GPR180: variants seen among roughly 807,000 people sequenced by gnomAD.
GPR180 encodes the protein integral membrane protein GPR180.
In GPR180, 53 loss-of-function variants were observed where a neutral mutation model predicts 52.6. The ratio of observed to expected loss-of-function variants is 1.01; its 90% CI spans 0.81 to 1.27. The LOEUF is 1.27. Among genes scored for constraint, GPR180 ranks in the 50% most tolerant of loss-of-function variants. The pLI, the probability that GPR180 is intolerant of heterozygous loss-of-function variation, is 0.00. For synonymous variants in GPR180, 200 were observed against 193.1 expected (o/e 1.04, Z -0.30); for missense variants, 533 against 527.0 (o/e 1.01, Z -0.11).
chr13:94,624,670 G>T (rs1009853305), intron 7 of GPR180, among the ~76,000 whole-genome samples: 1 of 152,076 alleles, frequency 6.6e-6, no homozygotes, highest in Admixed American at 6.6e-5. Context: ...CCATTCTCCT[G>T]CCTCAGCCTC....
chr13:94,610,328 A>AT (rs1439976461), intron 2 of GPR180, among the ~76,000 whole-genome samples: 3 of 152,220 alleles, frequency 2.0e-5, no homozygotes, highest in African/African-American at 7.2e-5. Context: ...TGAGAAAAAG[A>AT]TTAAGACTAA....
In GPR180 at chr13:94,628,822, G is replaced by T. The variant is rs1424055517; in HGVS notation, c.*1651G>T. 6.6e-6 allele frequency: 1 copy of T among 151,982 alleles called. No homozygotes were observed. The highest frequency in any genetic ancestry group is 6.6e-5 in the Admixed American group (1 of 15,260). The allele number at this position is 151,982 out of a possible 1,614,324, so 9.4% of individuals were successfully genotyped here. The stretch of plus-strand genomic sequence containing the variant: ...TGTCTCGCTAATAACCCCAGCTATT[G>T]TCTGTTGTGTTCAGCTGAGATGCAA... On this transcript the variant is annotated 3_prime_UTR_variant, in exon 9 of 9. Transcript: ENST00000376958.
At chr13:94,613,425 T>C (rs1889738218) in intron 3 of GPR180, among the ~76,000 whole-genome samples, 1 of 152,192 alleles carries the variant, frequency 6.6e-6, no homozygotes, top group African/African-American at 2.4e-5. Flanking sequence ...AAAACATATA[T>C]CTAGTGATAG....
In GPR180 at chr13:94,605,501, A is replaced by AGTC. The variant is rs1364730730; in HGVS notation, c.257_259dup (p.Ser86_His87insArg). 3 of 1,614,174 alleles carry AGTC rather than the reference A, an allele frequency of 1.9e-6. No individual in the cohort carries two copies. Among genetic ancestry groups the AGTC allele is most frequent in the Non-Finnish European group, 2.5e-6 (3 of 1,179,988 alleles). ...GGAATGGCTAAAGCTACAGCAAAGCAGTCATGGTTATAGCTGTAGTGAAAA... is the reference window on the plus strand; with the variant it reads ...GGAATGGCTAAAGCTACAGCAAAGCAGTCGTCATGGTTATAGCTGTAGTGAAAA... On this transcript the variant is annotated inframe_insertion, in exon 2 of 9. Transcript: ENST00000376958.
Position 94,621,251 on chromosome 13 carries a change from C to A in GPR180, c.894+16C>A. 6.4e-7 allele frequency: 1 copy of A among 1,551,520 alleles called. No individual in the cohort carries two copies. The highest frequency in any genetic ancestry group is 1.3e-5 in the South Asian group (1 of 79,784). On this transcript the variant is annotated intron_variant, in intron 6 of 8. Transcript: ENST00000376958. ...CATGACACAGGTGGGTATTGATACT[C>A]AGTGTTTCTGCTTAGTAATCCTCAG...
In GPR180 at chr13:94,602,089, G is replaced by A. The variant is rs769148253; in HGVS notation, c.145+17G>A. 2.3e-6 allele frequency: 3 copies of A among 1,327,734 alleles called. No homozygotes were observed. Among genetic ancestry groups the A allele is most frequent in the African/African-American group, 3.0e-5 (2 of 66,330 alleles). The allele number at this position is 1,327,734 out of a possible 1,614,324, so 82.2% of individuals were successfully genotyped here. A position where few individuals can be genotyped will look rare whatever the true frequency, so the allele number is the denominator to read the frequency against. On this transcript the variant is annotated intron_variant, in intron 1 of 8. Coordinates refer to ENST00000376958, the MANE Select transcript of GPR180 (RefSeq NM_180989.6). ...AGTTCCATGGTAGGTCTGGGGGCGG[G>A]GAGGGGGATGAAGGCGCGCTGGCCC...
chr13:94,619,088 G>A, intron 3 of GPR180, 62 bp from the exon 4 acceptor site: 1 of 1,270,806 alleles, frequency 7.9e-7, no homozygotes, highest in Non-Finnish European at 1.1e-6. Flanking sequence ...AGATTTGAAA[G>A]CAGCCCAATA....
At chr13:94,620,106 A>G (rs1276973675) in intron 5 of GPR180, among the ~76,000 whole-genome samples, 1 of 152,202 alleles carries the variant, frequency 6.6e-6, no homozygotes, top group African/African-American at 2.4e-5. Context: ...TATTTTGCAG[A>G]TAAAGGATCT....
rs1253561152 is a variant in GPR180, at chr13:94,629,440, C to A, written c.*2269C>A. On this transcript the variant is annotated 3_prime_UTR_variant, in exon 9 of 9. Coordinates refer to ENST00000376958, the MANE Select transcript of GPR180 (RefSeq NM_180989.6). ...ATGTGTATAATAAGATGGGTGCCTA[C>A]TGTGATGCATTTTACCAGGCATTTT... 1 of 152,098 alleles carries A rather than the reference C, an allele frequency of 6.6e-6. No individual in the cohort carries two copies. The highest frequency in any genetic ancestry group is 2.4e-5 in the African/African-American group (1 of 41,418). The allele number at this position is 152,098 out of a possible 1,614,324, so 9.4% of individuals were successfully genotyped here.
intron 3 of GPR180, among the ~76,000 whole-genome samples, chr13:94,616,353 C>T (rs1051449960): frequency 4.6e-5 from 7 of 152,160 alleles, no homozygotes; most frequent in African/African-American, 7.2e-5. Flanking sequence ...TCTTGAGACA[C>T]GTGAGTGTGG....
chr13:94,612,539 A>G (rs771632326), intron 3 of GPR180, 149 bp downstream of exon 3: 42 of 615,002 alleles, frequency 6.8e-5, no homozygotes, highest in Non-Finnish European at 1.1e-4. Flanking sequence ...TAGCATTTTG[A>G]TAGCCATCAT....
rs1889943193 is a variant in GPR180 at position 94,627,485 on chromosome 13, C to T, written c.*314C>T. 1 of 292,604 alleles carries T rather than the reference C, an allele frequency of 3.4e-6. No homozygotes were observed. Among genetic ancestry groups the T allele is most frequent in the African/African-American group, 2.3e-5 (1 of 44,326 alleles). The allele number at this position is 292,604 out of a possible 1,614,324, so 18.1% of individuals were successfully genotyped here. On this transcript the variant is annotated 3_prime_UTR_variant, in exon 9 of 9. Transcript: ENST00000376958. ...AAAATATTCACCACTTATAATGCCT[C>T]ATCTTAATAGCTAACTCAGGTTTAA...
At chr13:94,605,727 T>C (rs2139563447) in intron 2 of GPR180, among the ~76,000 whole-genome samples, 178 bp downstream of exon 2, 1 of 151,550 alleles carries the variant, frequency 6.6e-6, no homozygotes, top group African/African-American at 2.4e-5. Context: ...TTATCATTCA[T>C]CGTTTTTGAA....
At chr13:94,612,115 A>C (rs570427310) in intron 2 of GPR180, 75 bp from the exon 3 acceptor site, 1 of 1,167,260 alleles carries the variant, frequency 8.6e-7, no homozygotes, top group Non-Finnish European at 1.3e-6. Flanking sequence ...CCTAACCTCA[A>C]ATTGATTATA....
intron 1 of GPR180, among the ~76,000 whole-genome samples, chr13:94,602,988 G>T (rs2099715091): frequency 6.6e-6 from 1 of 151,894 alleles, no homozygotes; most frequent in Non-Finnish European, 1.5e-5. Context: ...ATATTGTTAG[G>T]AGAAGATAAT....
chr13:94,624,317 G>C (rs1232774343), intron 7 of GPR180, among the ~76,000 whole-genome samples: 1 of 152,106 alleles, frequency 6.6e-6, no homozygotes, highest in Non-Finnish European at 1.5e-5. Context: ...ACCTTGTCCA[G>C]AGTTATTGGC....
Position 94,612,277 on chromosome 13 carries a change from C to T in GPR180, c.392C>T (p.Thr131Ile), listed in dbSNP as rs1225435524. 1 of 1,613,774 alleles carries T rather than the reference C, an allele frequency of 6.2e-7. No homozygotes were observed. Among genetic ancestry groups the T allele is most frequent in the South Asian group, 1.1e-5 (1 of 91,082 alleles). Residue 131 changes from threonine to isoleucine, a missense_variant, in exon 3 of 9, where the codon ACA (threonine) becomes ATA (isoleucine). Coordinates refer to ENST00000376958, the MANE Select transcript of GPR180 (RefSeq NM_180989.6). ...TWHVFYADKY[T>I]CQDDKENSQV... ...CATGTGTTTTATGCAGACAAGTATACATGCCAAGATGACAAGGAGAATTCT... is the reference window on the plus strand; with the variant it reads ...CATGTGTTTTATGCAGACAAGTATATATGCCAAGATGACAAGGAGAATTCT...
Position 94,632,103 on chromosome 13 carries a change from T to G in GPR180, c.*4932T>G, listed in dbSNP as rs557044185. 4 of 152,332 alleles carry G rather than the reference T, an allele frequency of 2.6e-5. No individual in the cohort carries two copies. The highest frequency in any genetic ancestry group is 4.4e-5 in the Non-Finnish European group (3 of 68,030). 9.4% of individuals were successfully genotyped at this position (152,332 alleles called of 1,614,324 possible). On this transcript the variant is annotated 3_prime_UTR_variant, in exon 9 of 9. Coordinates refer to ENST00000376958, the MANE Select transcript of GPR180 (RefSeq NM_180989.6). ...CTGTGTTGTGTATCTCAGTAGACTCTTAAGAGATTTGTTGTTCAATGTATT... is the reference window on the plus strand; with the variant it reads ...CTGTGTTGTGTATCTCAGTAGACTCGTAAGAGATTTGTTGTTCAATGTATT...
chr13:94,605,903 A>G (rs576997500), intron 2 of GPR180, among the ~76,000 whole-genome samples: 6 of 152,354 alleles, frequency 3.9e-5, no homozygotes, highest in Admixed American at 6.5e-5. Flanking sequence ...CTAAATGCCA[A>G]TGTATTATCT....
Sources: allele counts gnomAD v4.1 joint callset (sites outside exome capture counted in the v4.1 genomes callset), GRCh38; gene constraint gnomAD v4.1.1; transcripts MANE v1.5; gene names NCBI Gene and HGNC (gene_info 2026-07-23, HGNC 2026-07-21).